Variants in DNAH14 observed in about 807,000 individuals in gnomAD.
The protein encoded by DNAH14 is dynein axonemal heavy chain 14, also known as axonemal beta dynein heavy chain 14.
DNAH14 carries 478 observed loss-of-function variants against 520.9 expected under a neutral mutation model. The ratio of observed to expected loss-of-function variants is 0.92; its 90% CI spans 0.85 to 0.99. DNAH14 has a LOEUF of 0.99. Among genes scored for constraint, DNAH14 ranks in the 50% least tolerant of loss-of-function variants. The probability of loss-of-function intolerance (pLI) is 0.00; values close to 1 mark genes in which losing one functional copy is unlikely to be tolerated. For missense variants in DNAH14, 4,831 were observed against 5,234.5 expected, an observed-to-expected ratio of 0.92 and a Z score of 2.38; for synonymous variants, 1,581 against 1,757.2, an observed-to-expected ratio of 0.90 and a Z score of 2.51.
intron 75 of DNAH14, among the ~76,000 whole-genome samples, chr1:225,361,675 C>T (rs531460982): frequency 6.6e-5 from 10 of 152,306 alleles, no homozygotes; most frequent in South Asian, 4.1e-4. Flanking sequence ...TTTCTAAAAA[C>T]TTTCCTGATG....
intron 84 of DNAH14, chr1:225,397,272 C>A (rs116303679): frequency 0.069 from 10,458 of 152,390 alleles, 440 homozygotes; most frequent in East Asian, 0.11. Flanking sequence ...CCACTGCGCC[C>A]GGCCAAAATT....
At chr1:225,348,332 C>T (rs2095316883) in intron 71 of DNAH14, among the ~76,000 whole-genome samples, 2 of 151,988 alleles carry the variant, frequency 1.3e-5, no homozygotes, top group South Asian at 4.1e-4. Context: ...TCGCTAAATA[C>T]TTCCCAAATC....
At chr1:225,039,387 T>C (rs1031651765) in intron 12 of DNAH14, among the ~76,000 whole-genome samples, 1 of 146,086 alleles carries the variant, frequency 6.8e-6, no homozygotes, top group Non-Finnish European at 1.5e-5. Context: ...GAATCCTAGA[T>C]AAACTTATTT....
rs1040222833 is a variant in DNAH14, at chr1:225,277,503, G to A, written c.8271+1G>A. ...ACAACCAGGGAGTCACATGTTACTG[G>A]TAGGAATTTAAATTTTTCAAGTGGT... On this transcript the variant is annotated splice_donor_variant, in intron 54 of 85. Transcript: ENST00000682510. LOFTEE classifies it high-confidence loss of function. The A allele has an allele frequency of 4.2e-5, 20 of 470,684 alleles. No homozygotes were observed. Among genetic ancestry groups the A allele is most frequent in the African/African-American group, 1.8e-4 (9 of 50,056 alleles). 29.2% of individuals were successfully genotyped at this position (470,684 alleles called of 1,614,324 possible).
chr1:224,985,781 G>A (rs1346934835), intron 8 of DNAH14, among the ~76,000 whole-genome samples: 2 of 151,908 alleles, frequency 1.3e-5, no homozygotes, highest in African/African-American at 2.4e-5. Flanking sequence ...GAATGCATGA[G>A]TCTCTTAATA....
intron 19 of DNAH14, 41 bp downstream of exon 19, chr1:225,080,789 T>C: frequency 6.8e-7 from 1 of 1,472,976 alleles, no homozygotes. Context: ...TAGGTCTATA[T>C]ACCAAATGGC....
chr1:225,144,647 C>T lies in DNAH14; in HGVS notation c.4740+19C>T. 1 of 1,525,182 alleles carries T rather than the reference C, an allele frequency of 6.6e-7. No homozygotes were observed. Among genetic ancestry groups the T allele is most frequent in the East Asian group, 2.5e-5 (1 of 40,522 alleles). 94.5% of individuals were successfully genotyped at this position (1,525,182 alleles called of 1,614,324 possible). A position where few individuals can be genotyped will look rare whatever the true frequency, so the allele number is the denominator to read the frequency against. On this transcript the variant is annotated intron_variant, in intron 29 of 85. Transcript: ENST00000682510. ...AGCAAAAGTAAGTGGTTTCTGTATC[C>T]AGAATAAAAACTTTTTTCTTTTTCT...
intron 3 of DNAH14, among the ~76,000 whole-genome samples, chr1:224,956,013 A>G (rs1325745985): frequency 1.3e-5 from 2 of 152,212 alleles, no homozygotes; most frequent in Admixed American, 1.3e-4. Context: ...ATCTTTATAA[A>G]ATAATTAATT....
intron 12 of DNAH14, among the ~76,000 whole-genome samples, chr1:225,039,622 T>C (rs2067268113): frequency 6.6e-6 from 1 of 151,938 alleles, no homozygotes; most frequent in South Asian, 2.1e-4. Context: ...GAATTGTTTT[T>C]CTCTCCGTTG....
intron 61 of DNAH14, among the ~76,000 whole-genome samples, 188 bp from the exon 62 acceptor site, chr1:225,322,473 TATA>T (rs1348622204): frequency 2.0e-5 from 3 of 152,224 alleles, no homozygotes; most frequent in African/African-American, 7.2e-5. Flanking sequence ...TTCCTAAAAC[TATA>T]ATATCCTTAT....
intron 69 of DNAH14, 125 bp from the exon 70 acceptor site, chr1:225,345,837 G>T: frequency 1.4e-6 from 1 of 694,742 alleles, no homozygotes; most frequent in Non-Finnish European, 2.3e-6. Context: ...TTAAGAGCCC[G>T]TCTCTGACAT....
intron 23 of DNAH14, among the ~76,000 whole-genome samples, chr1:225,107,608 A>T (rs2076170049): frequency 6.6e-6 from 1 of 152,172 alleles, no homozygotes; most frequent in African/African-American, 2.4e-5. Context: ...CTGTACGGAG[A>T]CAGAGGCAGG....
Position 225,381,529 on chromosome 1 carries a change from G to A in DNAH14, c.13027G>A (p.Glu4343Lys). 6.5e-7 allele frequency: 1 copy of A among 1,546,022 alleles called. No individual in the cohort carries two copies. The highest frequency in any genetic ancestry group is 1.2e-5 in the South Asian group (1 of 82,772). ...AGAGATCATCCTCACCCAAGAATTG[G>A]AGGAAATATTTAACTCTTTTCTTAA... The part of the protein sequence containing the change: ...KGEIILTQEL[E>K]EIFNSFLNMR... Residue 4343 changes from glutamate (E) to lysine (K), a missense_variant, in exon 81 of 86, where the codon GAG becomes AAG. By Grantham distance (56) the Glu-to-Lys change is moderately conservative (BLOSUM62 1). Coordinates refer to ENST00000682510, the MANE Select transcript of DNAH14 (RefSeq NM_001367479.1).
chr1:225,299,155 T>C (rs2150055494), intron 55 of DNAH14, among the ~76,000 whole-genome samples: 1 of 152,338 alleles, frequency 6.6e-6, no homozygotes, highest in Admixed American at 6.5e-5. Flanking sequence ...CAGAATATAC[T>C]ATATTTACGT....
chr1:225,250,682 G>T, intron 43 of DNAH14: 1 of 564,246 alleles, frequency 1.8e-6, no homozygotes, highest in Middle Eastern at 2.7e-4. Context: ...TCAGTCACAG[G>T]GCAGACGGAG....
chr1:225,273,867 C>T (rs1244996214), intron 52 of DNAH14, among the ~76,000 whole-genome samples: 2 of 152,060 alleles, frequency 1.3e-5, no homozygotes, highest in Non-Finnish European at 2.9e-5. Context: ...AATTTTTTGC[C>T]GTCTCCTTTC....
At position 225,080,565 on chromosome 1, in the gene DNAH14, G is replaced by T; in HGVS notation, c.2953G>T (p.Val985Leu). ...TAATGTGGAAGAAATTACACAGATTGTGCTTTCAGAGATCTCTGACATTGA... is the reference window on the plus strand; with the variant it reads ...TAATGTGGAAGAAATTACACAGATTTTGCTTTCAGAGATCTCTGACATTGA... Reference protein sequence around the residue: ...SVNVEEITQIVLSEISDIEGD... With the variant: ...SVNVEEITQILLSEISDIEGD... Residue 985 changes from valine to leucine, a missense_variant, in exon 19 of 86, where the codon GTG (valine) becomes TTG (leucine). Coordinates refer to ENST00000682510, the MANE Select transcript of DNAH14 (RefSeq NM_001367479.1). The T allele has an allele frequency of 3.2e-6, 5 of 1,552,010 alleles. No individual in the cohort carries two copies. The highest frequency in any genetic ancestry group is 4.4e-6 in the Non-Finnish European group (5 of 1,147,046).
At chr1:225,362,614 G>A (rs553688186) in intron 75 of DNAH14, among the ~76,000 whole-genome samples, 1 of 150,260 alleles carries the variant, frequency 6.7e-6, no homozygotes, top group African/African-American at 2.4e-5. Context: ...AATCATTAGG[G>A]AAATGCAAAC....
intron 41 of DNAH14, among the ~76,000 whole-genome samples, chr1:225,209,450 T>C (rs1354039421): frequency 6.6e-6 from 1 of 152,090 alleles, no homozygotes; most frequent in Non-Finnish European, 1.5e-5. Flanking sequence ...CAGGTTCTCA[T>C]GTTATAGCCT....
Sources: gnomAD v4.1 joint callset for allele counts (sites outside exome capture counted in the v4.1 genomes callset) on GRCh38, gnomAD v4.1.1 for gene constraint, MANE v1.5 for transcripts, NCBI Gene and HGNC (gene_info 2026-07-23, HGNC 2026-07-21) for gene names.